The following STXBP5L variants were observed in gnomAD, a reference collection of about 807,000 sequenced individuals.
The protein encoded by STXBP5L is syntaxin-binding protein 5-like.
Under a neutral mutation model 144.5 loss-of-function variants are expected in STXBP5L, and 65 were observed. The observed-to-expected ratio is 0.45, with a 90% CI of 0.37 to 0.55. The LOEUF is 0.55. Among genes scored for constraint, STXBP5L ranks in the 20% least tolerant of loss-of-function variants. STXBP5L has a pLI of 0.00. For synonymous variants in STXBP5L, 505 were observed against 469.6 expected (o/e 1.08, Z -0.97); for missense variants, 1,298 against 1,405.5 (o/e 0.92, Z 1.22).
At chr3:121,262,049 A>C (rs1468188439) in intron 18 of STXBP5L, among the ~76,000 whole-genome samples, 1 of 151,968 alleles carries the variant, frequency 6.6e-6, no homozygotes, top group African/African-American at 2.4e-5. Flanking sequence ...GAGTGAACAA[A>C]CTCCCTCAGA....
intron 3 of STXBP5L, among the ~76,000 whole-genome samples, chr3:120,966,539 C>T (rs768087846): frequency 6.6e-6 from 1 of 152,144 alleles, no homozygotes; most frequent in Non-Finnish European, 1.5e-5. Context: ...CAGTCAGGTC[C>T]CTCAACTGCA....
chr3:121,257,630 G>A (rs2050249865), intron 17 of STXBP5L, among the ~76,000 whole-genome samples: 1 of 152,146 alleles, frequency 6.6e-6, no homozygotes, highest in Non-Finnish European at 1.5e-5. Context: ...ATTTCCAATT[G>A]AAAAAGTATG....
chr3:121,241,143 A>G (rs1186026665), intron 14 of STXBP5L, among the ~76,000 whole-genome samples: 2 of 152,138 alleles, frequency 1.3e-5, no homozygotes, highest in African/African-American at 4.8e-5. Flanking sequence ...TAGGACCCCT[A>G]AGTCTTAGAG....
At chr3:121,273,318 G>A (rs1023665592) in intron 18 of STXBP5L, among the ~76,000 whole-genome samples, 1 of 146,004 alleles carries the variant, frequency 6.8e-6, no homozygotes, top group African/African-American at 2.5e-5. Flanking sequence ...TTTTCTTTTT[G>A]CGCTTTGAAT....
At chr3:121,047,617 T>C (rs1947611883) in intron 5 of STXBP5L, among the ~76,000 whole-genome samples, 1 of 152,160 alleles carries the variant, frequency 6.6e-6, no homozygotes, top group Non-Finnish European at 1.5e-5. Flanking sequence ...TGTCCTTCCT[T>C]GTCTTTTTTG....
intron 7 of STXBP5L, among the ~76,000 whole-genome samples, chr3:121,137,124 G>A (rs1002860591): frequency 6.6e-6 from 1 of 152,040 alleles, no homozygotes; most frequent in Non-Finnish European, 1.5e-5. Context: ...TACCTATCAA[G>A]TATTATGCTA....
chr3:121,186,046 T>G (rs923200465), intron 9 of STXBP5L, among the ~76,000 whole-genome samples: 5 of 152,160 alleles, frequency 3.3e-5, no homozygotes, highest in African/African-American at 9.7e-5. Flanking sequence ...GGTATTTTAT[T>G]CTCTTTGAAG....
intron 5 of STXBP5L, among the ~76,000 whole-genome samples, chr3:121,055,797 T>G (rs755384491): frequency 6.6e-6 from 1 of 151,950 alleles, no homozygotes; most frequent in Admixed American, 6.6e-5. Context: ...ATTCCTGGGC[T>G]ACAGCAGTCC....
Position 121,128,214 on chromosome 3 carries a change from C to T in STXBP5L, c.669+6510C>T, listed in dbSNP as rs553039451. On this transcript the variant is annotated intron_variant, in intron 7 of 26. Transcript: ENST00000471454. ...GGGCAGTTACTTATGATTTTGGATT[C>T]GGTGCTTTGGCAGGGACACTTGGAT... 7.2e-5 allele frequency among the ~76,000 whole-genome samples: 11 copies of T among 151,958 alleles called. No individual in the cohort carries two copies. The East Asian group carries it at 7.8e-4, about 11-fold the overall frequency.
chr3:121,250,957 A>G (rs1192514041), intron 15 of STXBP5L, among the ~76,000 whole-genome samples, 194 bp downstream of exon 15: 2 of 152,168 alleles, frequency 1.3e-5, no homozygotes, highest in Non-Finnish European at 2.9e-5. Context: ...CTCTTCTATA[A>G]TATAAGGTAA....
At chr3:120,937,404 ACT>A (rs887823486) in intron 2 of STXBP5L, among the ~76,000 whole-genome samples, 2 of 152,012 alleles carry the variant, frequency 1.3e-5, no homozygotes, top group African/African-American at 4.8e-5. Context: ...AGAGTTTTTA[ACT>A]CTCAAACTTG....
chr3:120,994,604 A>G (rs1317479908), intron 3 of STXBP5L, among the ~76,000 whole-genome samples: 2 of 152,192 alleles, frequency 1.3e-5, no homozygotes, highest in Non-Finnish European at 1.5e-5. Context: ...GCAAATGTTG[A>G]AGTACCCTTG....
intron 5 of STXBP5L, among the ~76,000 whole-genome samples, chr3:121,104,461 C>T (rs2043589971): frequency 6.6e-6 from 1 of 152,084 alleles, no homozygotes; most frequent in Admixed American, 6.6e-5. Flanking sequence ...GCAAAAAGAA[C>T]AAATCTGGAG....
intron 19 of STXBP5L, among the ~76,000 whole-genome samples, chr3:121,286,750 C>T (rs770187734): frequency 2.0e-5 from 3 of 151,954 alleles, no homozygotes; most frequent in African/African-American, 4.8e-5. Context: ...AACCTCCTGC[C>T]TGAAAACCCC....
rs546869927 is a variant in STXBP5L, at chr3:121,013,759, A to T, written c.288-27941A>T. 3.3e-5 allele frequency among the ~76,000 whole-genome samples: 5 copies of T among 151,956 alleles called. No homozygotes were observed. In the East Asian group the frequency reaches 9.6e-4, roughly 29 times the overall value. Reference sequence around the variant, plus strand: ...GGTATTTCCTAGATTTTCTTCTAAGATTGTGTAGTTTGAGATGTTACATTT... The same window carrying T: ...GGTATTTCCTAGATTTTCTTCTAAGTTTGTGTAGTTTGAGATGTTACATTT... On this transcript the variant is annotated intron_variant, in intron 3 of 26. Coordinates refer to ENST00000471454, the MANE Select transcript of STXBP5L (RefSeq NM_001308330.2).
Position 121,421,622 on chromosome 3 carries a change from T to C in STXBP5L, c.*2525T>C, listed in dbSNP as rs953367335. 41 of 152,240 alleles carry C rather than the reference T, an allele frequency of 2.7e-4. No individual in the cohort carries two copies. Among genetic ancestry groups the C allele is most frequent in the African/African-American group, 9.2e-4 (38 of 41,474 alleles). 9.4% of individuals were successfully genotyped at this position (152,240 alleles called of 1,614,324 possible). A position where few individuals can be genotyped will look rare whatever the true frequency, so the allele number is the denominator to read the frequency against. Reference sequence around the variant, plus strand: ...AATGTCTTAGCAAGATAAATTATTATACCCAAAATTACATGTGTGGTTCAT... The same window carrying C: ...AATGTCTTAGCAAGATAAATTATTACACCCAAAATTACATGTGTGGTTCAT... On this transcript the variant is annotated 3_prime_UTR_variant, in exon 27 of 27. Coordinates refer to ENST00000471454, the MANE Select transcript of STXBP5L (RefSeq NM_001308330.2).
intron 14 of STXBP5L, among the ~76,000 whole-genome samples, chr3:121,243,942 A>G (rs1380201598): frequency 6.6e-6 from 1 of 152,112 alleles, no homozygotes; most frequent in Non-Finnish European, 1.5e-5. Context: ...AACTCCAGGA[A>G]CAGCTTTCAT....
intron 12 of STXBP5L, 141 bp from the exon 13 acceptor site, chr3:121,238,830 T>C (rs1182454046): frequency 1.2e-6 from 1 of 804,062 alleles, no homozygotes; most frequent in South Asian, 3.1e-5. Context: ...TTTTTGTTCA[T>C]ACAATTCTTG....
At chr3:121,231,383 A>G (rs1237435319) in intron 11 of STXBP5L, among the ~76,000 whole-genome samples, 1 of 152,172 alleles carries the variant, frequency 6.6e-6, no homozygotes, top group Non-Finnish European at 1.5e-5. Context: ...GATATTCCCA[A>G]CACCTTTTCT....
Sources: gnomAD v4.1 joint callset for allele counts (sites outside exome capture counted in the v4.1 genomes callset) on GRCh38, gnomAD v4.1.1 for gene constraint, MANE v1.5 for transcripts, NCBI Gene and HGNC (gene_info 2026-07-23, HGNC 2026-07-21) for gene names.